Variants in PKNOX2 observed in about 807,000 individuals in gnomAD.
PKNOX2 encodes the protein homeobox protein PKNOX2.
A neutral mutation model predicts 53.1 loss-of-function variants in PKNOX2; 14 were observed. The ratio of observed to expected loss-of-function variants is 0.26; its 90% CI spans 0.17 to 0.41. The LOEUF (loss-of-function observed/expected upper bound fraction) is 0.41, where lower values mean the gene tolerates loss of function less well. Ranked by LOEUF, PKNOX2 falls within the 10% of genes least tolerant of loss-of-function variation. The pLI, the probability that PKNOX2 is intolerant of heterozygous loss-of-function variation, is 1.00. For synonymous variants in PKNOX2, 257 were observed against 242.8 expected (o/e 1.06, Z -0.54); for missense variants, 496 against 602.8 (o/e 0.82, Z 1.85).
In PKNOX2 at chr11:125,166,429, C is replaced by A. The variant is rs573961165; in HGVS notation, c.-201+1653C>A. Among the ~76,000 whole-genome samples the A allele has an allele frequency of 6.6e-6, 1 of 152,200 alleles. No homozygotes were observed. The highest frequency in any genetic ancestry group is 2.4e-5 in the African/African-American group (1 of 41,452). ...CACACAGGACCCGGTCCTAAGAGAG[C>A]GATTCCGGGAAGCGGACAGATCGAA... On this transcript the variant is annotated intron_variant, in intron 1 of 12. Transcript: ENST00000298282. This position sits in a 1 kb window ranked among gnomAD's most constrained non-coding sequence, Gnocchi z 4.0.
chr11:125,347,758 T>C (rs964922083), intron 3 of PKNOX2, among the ~76,000 whole-genome samples: 1 of 152,114 alleles, frequency 6.6e-6, no homozygotes, highest in Non-Finnish European at 1.5e-5. Context: ...AGTGTTGCAA[T>C]AGAATTTTTC....
chr11:125,205,111 A>G (rs1565468827), intron 1 of PKNOX2, among the ~76,000 whole-genome samples: 1 of 152,212 alleles, frequency 6.6e-6, no homozygotes, highest in Non-Finnish European at 1.5e-5. Flanking sequence ...TGTTACTCCT[A>G]GAAAGGAGTG....
intron 2 of PKNOX2, among the ~76,000 whole-genome samples, chr11:125,329,330 A>T (rs915540793): frequency 6.6e-6 from 1 of 152,238 alleles, no homozygotes; most frequent in Non-Finnish European, 1.5e-5. Flanking sequence ...ATTGCTACTA[A>T]CTTAACATTT....
chr11:125,346,133 G>T (rs1188178683), intron 3 of PKNOX2, among the ~76,000 whole-genome samples: 1 of 144,258 alleles, frequency 6.9e-6, no homozygotes, highest in Non-Finnish European at 1.5e-5. Flanking sequence ...CTGCAAATCT[G>T]TCTAGACGTC....
intron 2 of PKNOX2, among the ~76,000 whole-genome samples, chr11:125,285,174 TA>T (rs1946817536): frequency 1.3e-5 from 2 of 152,182 alleles, no homozygotes; most frequent in South Asian, 4.2e-4. Flanking sequence ...AACTCAAGGC[TA>T]GGGGGGTGAT....
At chr11:125,391,823 A>C (rs1954067317) in intron 6 of PKNOX2, among the ~76,000 whole-genome samples, 1 of 152,152 alleles carries the variant, frequency 6.6e-6, no homozygotes, top group Admixed American at 6.5e-5. Context: ...ATGGAGCAAC[A>C]CCTGGGGAGA....
intron 1 of PKNOX2, among the ~76,000 whole-genome samples, chr11:125,175,713 C>T (rs1445469481): frequency 6.6e-6 from 1 of 152,054 alleles, no homozygotes; most frequent in African/African-American, 2.4e-5. Flanking sequence ...TGGGTGTGGG[C>T]CTTGGTAGAG....
chr11:125,199,032 G>A (rs1938119214), intron 1 of PKNOX2, among the ~76,000 whole-genome samples: 1 of 151,998 alleles, frequency 6.6e-6, no homozygotes, highest in South Asian at 2.1e-4. Flanking sequence ...GTAGAGACAG[G>A]GTTTTGTCAT....
intron 1 of PKNOX2, among the ~76,000 whole-genome samples, chr11:125,232,941 C>A (rs938321201): frequency 2.0e-5 from 3 of 148,548 alleles, no homozygotes; most frequent in Non-Finnish European, 3.0e-5. Flanking sequence ...TATATATATT[C>A]CTGTCAAATC....
intron 1 of PKNOX2, among the ~76,000 whole-genome samples, chr11:125,173,539 TCTC>T (rs1251703779): frequency 3.3e-5 from 5 of 152,218 alleles, no homozygotes; most frequent in Admixed American, 6.5e-5. Context: ...GCTAAACTCA[TCTC>T]CTCCATTACT....
chr11:125,177,130 A>G (rs1225217064), intron 1 of PKNOX2, among the ~76,000 whole-genome samples: 3 of 152,056 alleles, frequency 2.0e-5, no homozygotes, highest in African/African-American at 7.3e-5. Context: ...ATTTATTACA[A>G]AAAGTCTTTG....
intron 1 of PKNOX2, among the ~76,000 whole-genome samples, chr11:125,219,570 C>T (rs1439982860): frequency 6.6e-6 from 1 of 152,082 alleles, no homozygotes; most frequent in African/African-American, 2.4e-5. Flanking sequence ...AACAAAAACA[C>T]AACCCAGTAG....
chr11:125,188,073 C>T (rs1956562892), intron 1 of PKNOX2: 1 of 152,212 alleles, frequency 6.6e-6, no homozygotes, highest in African/African-American at 2.4e-5. Context: ...TAAAACAGCC[C>T]TTGGAGACAA....
At chr11:125,304,984 A>G (rs1948332523) in intron 2 of PKNOX2, among the ~76,000 whole-genome samples, 1 of 152,220 alleles carries the variant, frequency 6.6e-6, no homozygotes, top group Non-Finnish European at 1.5e-5. Context: ...CCTTACACGC[A>G]AGGAAATGAA....
At chr11:125,239,946 C>T (rs1321000340) in intron 2 of PKNOX2, 1 of 152,242 alleles carries the variant, frequency 6.6e-6, no homozygotes, top group Non-Finnish European at 1.5e-5. Context: ...AGCTGCAAAT[C>T]TGCTTTCTAA....
At position 125,240,331 on chromosome 11, in the gene PKNOX2, C is replaced by G. The variant is rs188869842; in HGVS notation, c.-130+5216C>G. 1 of 152,202 alleles carries G rather than the reference C, an allele frequency of 6.6e-6. No homozygotes were observed. The highest frequency in any genetic ancestry group is 1.5e-5 in the Non-Finnish European group (1 of 68,046). The allele number at this position is 152,202 out of a possible 1,614,324, so 9.4% of individuals were successfully genotyped here. ...CCCTGTCCAGAAGAGTATTGTCTTA[C>G]GGATAATTTCGTTTGCCTAACGAGA... On this transcript the variant is annotated intron_variant, in intron 2 of 12. Transcript: ENST00000298282. The surrounding 1 kb of genome is among the most constrained non-coding windows in gnomAD (Gnocchi z 4.3).
chr11:125,346,232 G>A (rs1294578570), intron 3 of PKNOX2, among the ~76,000 whole-genome samples: 1 of 152,104 alleles, frequency 6.6e-6, no homozygotes, highest in Non-Finnish European at 1.5e-5. Context: ...TGAAGGGATT[G>A]ACAGCTCCTG....
intron 1 of PKNOX2, among the ~76,000 whole-genome samples, chr11:125,224,295 T>A (rs894900699): frequency 6.6e-6 from 1 of 152,216 alleles, no homozygotes; most frequent in African/African-American, 2.4e-5. Context: ...GTGGAGACTG[T>A]CAGCTGCTCA....
At position 125,276,559 on chromosome 11, in the gene PKNOX2, T is replaced by G. The variant is rs113223769; in HGVS notation, c.-130+41444T>G. Reference sequence around the variant, plus strand: ...TGGCATGGCCTGAGTATTTTAGTTCTGAGACAGACACAATAAAGGGCTTGT... The same window carrying G: ...TGGCATGGCCTGAGTATTTTAGTTCGGAGACAGACACAATAAAGGGCTTGT... On this transcript the variant is annotated intron_variant, in intron 2 of 12. Coordinates refer to ENST00000298282, the MANE Select transcript of PKNOX2 (RefSeq NM_001382323.2). 1.9e-4 allele frequency among the ~76,000 whole-genome samples: 29 copies of G among 152,352 alleles called. 2 individuals carry two copies. Among genetic ancestry groups the G allele is most frequent in the African/African-American group, 7.0e-4 (29 of 41,582 alleles).
Sources: gnomAD v4.1 joint callset for allele counts (sites outside exome capture counted in the v4.1 genomes callset) on GRCh38, gnomAD v4.1.1 for gene constraint, Gnocchi (gnomAD v3.1) non-coding constraint, MANE v1.5 for transcripts, NCBI Gene and HGNC (gene_info 2026-07-23, HGNC 2026-07-21) for gene names.